The following SAMD12 variants were observed in gnomAD, a reference collection of about 807,000 sequenced individuals.
SAMD12 encodes sterile alpha motif domain-containing protein 12.
In SAMD12, 9 loss-of-function variants were observed where a neutral mutation model predicts 15.0. The ratio of observed to expected loss-of-function variants is 0.60; its 90% CI spans 0.36 to 1.05. The LOEUF is 1.05. SAMD12 is among the 50% of genes least tolerant of loss of function. The pLI, the probability that SAMD12 is intolerant of heterozygous loss-of-function variation, is 0.01. For synonymous variants in SAMD12, 86 were observed against 90.1 expected, an observed-to-expected ratio of 0.96 and a Z score of 0.25; for missense variants, 230 against 234.2, an observed-to-expected ratio of 0.98 and a Z score of 0.12.
At chr8:118,301,291 A>G (rs185864755) in intron 4 of SAMD12, among the ~76,000 whole-genome samples, 3 of 152,360 alleles carry the variant, frequency 2.0e-5, no homozygotes, top group Admixed American at 6.5e-5. Flanking sequence ...ACAACTGTGA[A>G]CACCATTTAG....
At chr8:118,554,010 A>G (rs1468041921) in intron 2 of SAMD12, among the ~76,000 whole-genome samples, 3 of 152,196 alleles carry the variant, frequency 2.0e-5, no homozygotes, top group Non-Finnish European at 2.9e-5. Flanking sequence ...TTAGAATGGC[A>G]ATCATTAAAA....
At chr8:118,218,179 C>T (rs1246028160) in intron 4 of SAMD12, among the ~76,000 whole-genome samples, 4 of 152,184 alleles carry the variant, frequency 2.6e-5, no homozygotes, top group South Asian at 4.1e-4. Context: ...TTATCTATCC[C>T]GTTGTGGATC....
At chr8:118,385,651 T>C (rs1334195394) in intron 3 of SAMD12, among the ~76,000 whole-genome samples, 2 of 152,198 alleles carry the variant, frequency 1.3e-5, no homozygotes, top group Admixed American at 6.5e-5. Context: ...GCTGGGGGTG[T>C]CTCTCCTGTC....
At chr8:118,372,735 T>C (rs1396550388) in intron 4 of SAMD12, among the ~76,000 whole-genome samples, 1 of 151,912 alleles carries the variant, frequency 6.6e-6, no homozygotes, top group African/African-American at 2.4e-5. Context: ...TGTGGTTATA[T>C]TAGGTTGGTG....
the SAMD12 span, among the ~76,000 whole-genome samples, chr8:118,174,768 T>A: frequency 0.012 from 1,901 of 152,256 alleles, 44 homozygotes; most frequent in African/African-American, 0.043. Context: ...ATGCAATGAA[T>A]ATGCATTTTC....
At chr8:118,351,941 T>G (rs989184454) in intron 4 of SAMD12, among the ~76,000 whole-genome samples, 1 of 152,214 alleles carries the variant, frequency 6.6e-6, no homozygotes, top group Non-Finnish European at 1.5e-5. Context: ...TGGTGAAGAC[T>G]CCTTCTTTAT....
intron 4 of SAMD12, among the ~76,000 whole-genome samples, chr8:118,259,188 T>C (rs1043960209): frequency 1.3e-5 from 2 of 152,130 alleles, no homozygotes; most frequent in East Asian, 1.9e-4. Flanking sequence ...GAAGCTGTTA[T>C]AACTGTTCCA....
At chr8:118,183,749 G>T in the SAMD12 span, among the ~76,000 whole-genome samples, 1 of 152,106 alleles carries the variant, frequency 6.6e-6, no homozygotes, top group African/African-American at 2.4e-5. Flanking sequence ...TTGTGGGGAA[G>T]TCTGGAATTT....
chr8:118,352,911 G>A, intron 4 of SAMD12, among the ~76,000 whole-genome samples: 1 of 149,762 alleles, frequency 6.7e-6, no homozygotes, highest in East Asian at 1.9e-4. Flanking sequence ...ATATAGCCCT[G>A]CAGGTATATC....
chr8:118,176,866 A>G, the SAMD12 span, among the ~76,000 whole-genome samples: 5 of 152,136 alleles, frequency 3.3e-5, no homozygotes, highest in African/African-American at 1.2e-4. Context: ...TGAAATTCCA[A>G]TTTTCCTCAG....
chr8:118,423,073 G>A (rs1292921788), intron 3 of SAMD12, among the ~76,000 whole-genome samples: 2 of 152,156 alleles, frequency 1.3e-5, no homozygotes, highest in East Asian at 1.9e-4. Context: ...CCAGGTACTC[G>A]GGAGGCTGTG....
At chr8:118,525,136 A>C (rs1388480320) in intron 2 of SAMD12, among the ~76,000 whole-genome samples, 1 of 152,106 alleles carries the variant, frequency 6.6e-6, no homozygotes, top group African/African-American at 2.4e-5. Context: ...GAAGCCACAC[A>C]GGCTCCTCGC....
At chr8:118,167,947 A>T in the SAMD12 span, among the ~76,000 whole-genome samples, 103 of 152,224 alleles carry the variant, frequency 6.8e-4, no homozygotes, top group African/African-American at 2.4e-3. Flanking sequence ...CCACACCCAA[A>T]TCTCAACTTG....
intron 2 of SAMD12, among the ~76,000 whole-genome samples, chr8:118,453,594 C>T (rs1823149291): frequency 6.6e-6 from 1 of 152,148 alleles, no homozygotes; most frequent in African/African-American, 2.4e-5. Flanking sequence ...GATCCTGGCT[C>T]ACTGCAGCCT....
chr8:118,497,642 A>T, intron 2 of SAMD12, among the ~76,000 whole-genome samples: 1 of 146,006 alleles, frequency 6.8e-6, no homozygotes. Context: ...AGTCATTTGT[A>T]CACCAAACCC....
At chr8:118,234,302 T>C (rs1218774607) in intron 4 of SAMD12, among the ~76,000 whole-genome samples, 2 of 152,106 alleles carry the variant, frequency 1.3e-5, no homozygotes, top group Non-Finnish European at 2.9e-5. Flanking sequence ...GTCTATTTCC[T>C]AACTTTGCTT....
intron 2 of SAMD12, among the ~76,000 whole-genome samples, chr8:118,495,351 C>T: frequency 6.6e-6 from 1 of 152,188 alleles, no homozygotes; most frequent in Non-Finnish European, 1.5e-5. Context: ...ATGGCATTCA[C>T]TTTCTCTCCC....
chr8:118,520,039 C>T (rs1017299507), intron 2 of SAMD12, among the ~76,000 whole-genome samples: 9 of 152,076 alleles, frequency 5.9e-5, no homozygotes, highest in Non-Finnish European at 1.0e-4. Flanking sequence ...TTTTCGTGGT[C>T]CCACACTAGA....
intron 3 of SAMD12, among the ~76,000 whole-genome samples, chr8:118,429,230 T>G (rs1822326759): frequency 6.6e-6 from 1 of 152,206 alleles, no homozygotes; most frequent in South Asian, 2.1e-4. Flanking sequence ...TTTTTCTTCA[T>G]ATAGGTTAAG....
Sources: allele counts gnomAD v4.1 joint callset (sites outside exome capture counted in the v4.1 genomes callset), GRCh38; gene constraint gnomAD v4.1.1; transcripts MANE v1.5; gene names NCBI Gene and HGNC (gene_info 2026-07-23, HGNC 2026-07-21).